ARID5B: variants seen among roughly 807,000 people sequenced by gnomAD.
The protein encoded by ARID5B is AT-rich interaction domain 5B.
Under a neutral mutation model 97.2 loss-of-function variants are expected in ARID5B, and 13 were observed. That is an observed-to-expected ratio of 0.13 (90% CI 0.09 to 0.21). ARID5B has a LOEUF of 0.21. Among genes scored for constraint, ARID5B ranks in the 10% least tolerant of loss-of-function variants. ARID5B has a pLI of 1.00. For synonymous variants in ARID5B, 556 were observed against 570.3 expected (o/e 0.97, Z 0.36); for missense variants, 1,210 against 1,465.3 (o/e 0.83, Z 2.84).
chr10:61,952,401 A>G (rs1838335219), intron 3 of ARID5B, among the ~76,000 whole-genome samples: 1 of 152,184 alleles, frequency 6.6e-6, no homozygotes, highest in Admixed American at 6.5e-5. Flanking sequence ...CACCTTATTG[A>G]TCACCTTACT....
chr10:61,937,484 AC>A (rs1165194866), intron 2 of ARID5B, among the ~76,000 whole-genome samples: 5 of 152,224 alleles, frequency 3.3e-5, no homozygotes, highest in Non-Finnish European at 7.3e-5. Context: ...TAAAACAATG[AC>A]GAAAGGGGAT....
At chr10:62,039,094 A>G (rs1839602546) in intron 4 of ARID5B, among the ~76,000 whole-genome samples, 1 of 152,222 alleles carries the variant, frequency 6.6e-6, no homozygotes, top group Non-Finnish European at 1.5e-5. Context: ...ATAACCATCA[A>G]CTGACAGTTG....
intron 4 of ARID5B, among the ~76,000 whole-genome samples, chr10:62,047,691 A>G (rs1319320428): frequency 2.0e-5 from 3 of 152,168 alleles, no homozygotes; most frequent in Non-Finnish European, 4.4e-5. Context: ...TGAGTGAATT[A>G]AAGTCCGCAG....
At chr10:61,998,270 G>A (rs1385358806) in intron 3 of ARID5B, among the ~76,000 whole-genome samples, 3 of 152,236 alleles carry the variant, frequency 2.0e-5, no homozygotes, top group South Asian at 2.1e-4. Context: ...TTGCTCATTC[G>A]TCTCCCACTG....
chr10:61,902,083 G>A, intron 1 of ARID5B, 76 bp from the exon 2 acceptor site: 2 of 1,560,378 alleles, frequency 1.3e-6, no homozygotes, highest in Non-Finnish European at 1.7e-6. Flanking sequence ...ATGTCTGTGT[G>A]TAAATGTGTC....
intron 9 of ARID5B, among the ~76,000 whole-genome samples, chr10:62,087,484 G>A (rs1840306717): frequency 6.6e-6 from 1 of 150,482 alleles, no homozygotes; most frequent in East Asian, 1.9e-4. Context: ...CATGTAGGCT[G>A]ATCTGGGCTC....
chr10:62,089,365 G>A (rs2132982632), intron 9 of ARID5B, among the ~76,000 whole-genome samples: 1 of 151,884 alleles, frequency 6.6e-6, no homozygotes, highest in African/African-American at 2.4e-5. Flanking sequence ...TGTGAAATAG[G>A]TGTGATTTCT....
chr10:62,000,566 T>C lies in ARID5B; in HGVS notation c.733+245T>C, dbSNP rs1196024025. ...GTTCAATGTAGAGTCTGAAGTTGCTTGGTCGACCTTGAAATTGGACTTTAG... is the reference window on the plus strand; with the variant it reads ...GTTCAATGTAGAGTCTGAAGTTGCTCGGTCGACCTTGAAATTGGACTTTAG... On this transcript the variant is annotated intron_variant, in intron 4 of 9. Transcript: ENST00000279873. The surrounding 1 kb of genome is among the most constrained non-coding windows in gnomAD (Gnocchi z 4.4). Among the ~76,000 whole-genome samples, 1 of 152,170 alleles carries C rather than the reference T, an allele frequency of 6.6e-6. No individual in the cohort carries two copies. Among genetic ancestry groups the C allele is most frequent in the Non-Finnish European group, 1.5e-5 (1 of 68,034 alleles).
chr10:62,055,805 C>G (rs527445971), intron 5 of ARID5B, among the ~76,000 whole-genome samples: 111 of 152,300 alleles, frequency 7.3e-4, no homozygotes, highest in African/African-American at 2.6e-3. Flanking sequence ...CAATGAAGAA[C>G]TCCTGCAGAG....
intron 3 of ARID5B, among the ~76,000 whole-genome samples, chr10:61,958,098 A>G (rs1416004183): frequency 6.6e-6 from 1 of 152,230 alleles, no homozygotes; most frequent in Non-Finnish European, 1.5e-5. Context: ...CAGGGCAAAC[A>G]GCTACAACTA....
chr10:62,084,405 A>T (rs143346435), intron 8 of ARID5B, among the ~76,000 whole-genome samples: 1 of 152,246 alleles, frequency 6.6e-6, no homozygotes, highest in African/African-American at 2.4e-5. Context: ...ACCAATATCC[A>T]GACCAAGGAA....
chr10:61,956,136 C>T (rs751759712), intron 3 of ARID5B, among the ~76,000 whole-genome samples: 8 of 152,158 alleles, frequency 5.3e-5, no homozygotes, highest in Non-Finnish European at 1.0e-4. Context: ...TGGTACTAGC[C>T]CCTGGCCTGT....
At chr10:62,090,367 A>G (rs1840351810) in intron 9 of ARID5B, among the ~76,000 whole-genome samples, 1 of 152,190 alleles carries the variant, frequency 6.6e-6, no homozygotes. Context: ...TACATTGGGA[A>G]GGGATTTGCC....
intron 4 of ARID5B, among the ~76,000 whole-genome samples, chr10:62,050,565 A>C (rs1037351325): frequency 6.6e-6 from 1 of 152,270 alleles, no homozygotes; most frequent in Non-Finnish European, 1.5e-5. Flanking sequence ...TCAGTTTTTC[A>C]GCACCAAATG....
intron 3 of ARID5B, 84 bp downstream of exon 3, chr10:61,940,492 AT>A: frequency 9.0e-7 from 1 of 1,110,170 alleles, no homozygotes; most frequent in Non-Finnish European, 1.3e-6. Context: ...AAACACTATC[AT>A]TTATATATAA....
At chr10:61,905,752 G>A (rs890080448) in intron 2 of ARID5B, among the ~76,000 whole-genome samples, 4 of 152,118 alleles carry the variant, frequency 2.6e-5, no homozygotes, top group African/African-American at 9.7e-5. Context: ...TTTGCCAAAG[G>A]TCACCAGATG....
chr10:62,008,687 G>A (rs1839178141), intron 4 of ARID5B, among the ~76,000 whole-genome samples: 1 of 152,188 alleles, frequency 6.6e-6, no homozygotes, highest in African/African-American at 2.4e-5. Context: ...AGCCAGAGCG[G>A]CCATTTCTCT....
chr10:62,056,592 G>A (rs1839859126), intron 5 of ARID5B, among the ~76,000 whole-genome samples: 1 of 152,138 alleles, frequency 6.6e-6, no homozygotes, highest in African/African-American at 2.4e-5. Flanking sequence ...ATTTGTTAAG[G>A]AGGCAGGGTT....
chr10:61,956,259 T>C (rs1838390452), intron 3 of ARID5B, among the ~76,000 whole-genome samples: 1 of 152,122 alleles, frequency 6.6e-6, no homozygotes, highest in Admixed American at 6.5e-5. Context: ...GCACAAACCC[T>C]ATTGTGAACT....
Sources: allele counts gnomAD v4.1 joint callset (sites outside exome capture counted in the v4.1 genomes callset), GRCh38; gene constraint gnomAD v4.1.1; non-coding constraint Gnocchi (gnomAD v3.1); transcripts MANE v1.5; gene names NCBI Gene and HGNC (gene_info 2026-07-23, HGNC 2026-07-21).